The following CELF2 variants were observed in gnomAD, a reference collection of about 807,000 sequenced individuals.
CELF2 encodes CUG triplet repeat RNA-binding protein 2.
A neutral mutation model predicts 62.6 loss-of-function variants in CELF2; 8 were observed. The observed-to-expected ratio is 0.13, with a 90% CI of 0.07 to 0.23. CELF2 has a LOEUF of 0.23. Ranked by LOEUF, CELF2 falls within the 10% of genes least tolerant of loss-of-function variation. The pLI is 1.00. For synonymous variants in CELF2, 258 were observed against 250.0 expected, an observed-to-expected ratio of 1.03 and a Z score of -0.30; for missense variants, 333 against 671.0, an observed-to-expected ratio of 0.50 and a Z score of 5.56.
At chr10:10,764,663 T>C in the CELF2 span, among the ~76,000 whole-genome samples, 12,100 of 152,250 alleles carry the variant, frequency 0.079, 689 homozygotes, top group East Asian at 0.2. Context: ...AGAATCTTAA[T>C]TTCCCATTCC....
rs1229264239 is a variant in CELF2, at chr10:11,223,651, A to G, written c.354+6144A>G. On this transcript the variant is annotated intron_variant, in intron 3 of 12. Transcript: ENST00000633077. The surrounding 1 kb of genome is among the most constrained non-coding windows in gnomAD (Gnocchi z 5.1). ...AGGGGGAGCTCCGGAGGAGTCCTTG[A>G]GGGTGCAGAAGCTCCCTTCCCCCTG... Among the ~76,000 whole-genome samples, 1 of 152,196 alleles carries G rather than the reference A, an allele frequency of 6.6e-6. No individual in the cohort carries two copies. Among genetic ancestry groups the G allele is most frequent in the Non-Finnish European group, 1.5e-5 (1 of 68,012 alleles).
intron 2 of CELF2, among the ~76,000 whole-genome samples, chr10:11,202,462 T>C (rs1215502466): frequency 6.6e-6 from 1 of 152,176 alleles, no homozygotes. Flanking sequence ...GGGTGAGCTT[T>C]TCGTAGCAAA....
chr10:11,285,826 G>GGTGGGTGT lies in CELF2; in HGVS notation c.842-2589_842-2588insGGTGTGTG, dbSNP rs1228318958. Among the ~76,000 whole-genome samples, 3 of 128,698 alleles carry GGTGGGTGT rather than the reference G, an allele frequency of 2.3e-5. No homozygotes were observed. Among genetic ancestry groups the GGTGGGTGT allele is most frequent in the Admixed American group, 8.2e-5 (1 of 12,198 alleles). The allele number at this position is 128,698 out of a possible 152,430, so 84.4% of individuals were successfully genotyped here. ...TTGCTCATCACCTACTATATATATT[G>GGTGGGTGT]GTGTGTGTGTGTGTGTGTGTGTGTG... On this transcript the variant is annotated intron_variant, in intron 8 of 12. Transcript: ENST00000633077. This position sits in a 1 kb window ranked among gnomAD's most constrained non-coding sequence, Gnocchi z 4.3.
chr10:10,875,008 G>A (rs1030346851), intron 1 of CELF2, among the ~76,000 whole-genome samples: 10 of 152,272 alleles, frequency 6.6e-5, no homozygotes, highest in African/African-American at 2.4e-4. Context: ...AAATTATCAA[G>A]AATAGTTAAT....
intron 1 of CELF2, among the ~76,000 whole-genome samples, chr10:11,009,510 C>G (rs1376133654): frequency 6.6e-6 from 1 of 152,164 alleles, no homozygotes; most frequent in Non-Finnish European, 1.5e-5. Context: ...TTATCTCCCC[C>G]CACAGCTTTC....
chr10:10,527,669 C>G, the CELF2 span, among the ~76,000 whole-genome samples: 1 of 152,162 alleles, frequency 6.6e-6, no homozygotes, highest in Non-Finnish European at 1.5e-5. Flanking sequence ...GACTCCAAGC[C>G]ATCTCTAGCA....
intron 1 of CELF2, among the ~76,000 whole-genome samples, chr10:11,040,860 T>C (rs1197514708): frequency 6.6e-6 from 1 of 152,188 alleles, no homozygotes; most frequent in Admixed American, 6.5e-5. Flanking sequence ...TATTCAGGGC[T>C]GCATTAAGCC....
chr10:10,511,270 G>A, the CELF2 span, among the ~76,000 whole-genome samples: 25 of 152,082 alleles, frequency 1.6e-4, no homozygotes, highest in Admixed American at 5.2e-4. Flanking sequence ...AATTAGCTGG[G>A]CATGGTGGTG....
chr10:11,182,973 G>C (rs2073881939), intron 2 of CELF2, among the ~76,000 whole-genome samples: 1 of 152,128 alleles, frequency 6.6e-6, no homozygotes, highest in Admixed American at 6.6e-5. Context: ...CAGCTCAATG[G>C]AGACATAATT....
At chr10:10,482,391 AGCATTAATGTTCT>A in the CELF2 span, among the ~76,000 whole-genome samples, 2 of 152,258 alleles carry the variant, frequency 1.3e-5, no homozygotes, top group Non-Finnish European at 2.9e-5. Context: ...ATGCTTTTAT[AGCATTAATGTTCT>A]GCTAATGTTA....
chr10:10,900,928 G>A (rs1290498283), intron 1 of CELF2, among the ~76,000 whole-genome samples: 2 of 152,202 alleles, frequency 1.3e-5, no homozygotes, highest in African/African-American at 2.4e-5. Context: ...TCTGTACACT[G>A]TACCTGTTAC....
At chr10:10,668,676 G>A in the CELF2 span, among the ~76,000 whole-genome samples, 1 of 152,082 alleles carries the variant, frequency 6.6e-6, no homozygotes, top group Non-Finnish European at 1.5e-5. Context: ...GTTACATATA[G>A]GCCAAGCACA....
At chr10:10,699,801 C>G in the CELF2 span, among the ~76,000 whole-genome samples, 1 of 152,142 alleles carries the variant, frequency 6.6e-6, no homozygotes, top group Admixed American at 6.5e-5. Flanking sequence ...CTACTTCTGG[C>G]TTTTCAGTTG....
intron 8 of CELF2, among the ~76,000 whole-genome samples, chr10:11,277,430 C>T (rs977309434): frequency 1.3e-5 from 2 of 152,202 alleles, no homozygotes; most frequent in African/African-American, 4.8e-5. Context: ...GCCCTCACCT[C>T]CCTGGATGCT....
At chr10:10,519,061 A>T in the CELF2 span, among the ~76,000 whole-genome samples, 5 of 152,234 alleles carry the variant, frequency 3.3e-5, no homozygotes. Context: ...GATATGAATA[A>T]CAATCTGAGG....
At chr10:11,071,546 C>T (rs1375904922) in intron 1 of CELF2, 2 of 152,148 alleles carry the variant, frequency 1.3e-5, no homozygotes, top group African/African-American at 4.8e-5. Context: ...AGAGATTTTT[C>T]CACTCAAAAC....
intron 2 of CELF2, among the ~76,000 whole-genome samples, chr10:11,215,443 G>T (rs905521280): frequency 6.6e-6 from 1 of 152,104 alleles, no homozygotes. Flanking sequence ...TGGCTGTGGC[G>T]TGGCCAAACT....
chr10:11,016,709 G>A (rs2057306566), upstream of CELF2, among the ~76,000 whole-genome samples: 1 of 152,148 alleles, frequency 6.6e-6, no homozygotes, highest in African/African-American at 2.4e-5. This position sits in a 1 kb window ranked among gnomAD's most constrained non-coding sequence, Gnocchi z 5.2. Flanking sequence ...TAATTTGTGA[G>A]GAGAAAGCCC....
At chr10:11,282,197 A>C (rs1318669114) in intron 8 of CELF2, among the ~76,000 whole-genome samples, 1 of 151,824 alleles carries the variant, frequency 6.6e-6, no homozygotes, top group African/African-American at 2.4e-5. Context: ...AACTTCTCTC[A>C]GATGCAAAGT....
Sources: allele counts gnomAD v4.1 joint callset (sites outside exome capture counted in the v4.1 genomes callset), GRCh38; gene constraint gnomAD v4.1.1; non-coding constraint Gnocchi (gnomAD v3.1); transcripts MANE v1.5; gene names NCBI Gene and HGNC (gene_info 2026-07-23, HGNC 2026-07-21).